Variants in DTNA observed in about 807,000 individuals in gnomAD.
The protein encoded by DTNA is dystrobrevin alpha.
DTNA carries 43 observed loss-of-function variants against 100.7 expected under a neutral mutation model. That is an observed-to-expected ratio of 0.43 (90% CI 0.33 to 0.55). The LOEUF is 0.55. Ranked by LOEUF, DTNA falls within the 20% of genes least tolerant of loss-of-function variation. DTNA has a pLI of 0.04. For synonymous variants in DTNA, 349 were observed against 347.9 expected (o/e 1.00, Z -0.04); for missense variants, 798 against 953.9 (o/e 0.84, Z 2.15).
intron 1 of DTNA, among the ~76,000 whole-genome samples, chr18:34,685,014 G>C (rs1321177758): frequency 6.6e-6 from 1 of 152,118 alleles, no homozygotes; most frequent in Non-Finnish European, 1.5e-5. Context: ...TTGTAAATTT[G>C]TTTAAGTTCC....
chr18:34,634,186 C>T (rs2058401669), intron 1 of DTNA, among the ~76,000 whole-genome samples: 1 of 152,130 alleles, frequency 6.6e-6, no homozygotes, highest in Admixed American at 6.5e-5. Context: ...TTCTCGAAAG[C>T]ATTTACTCCT....
Position 34,712,114 on chromosome 18 carries a change from T to C in DTNA, c.-2+1669T>C, listed in dbSNP as rs527466672. On this transcript the variant is annotated intron_variant, in intron 1 of 22. Transcript: ENST00000444659. The stretch of plus-strand genomic sequence containing the variant: ...ACAATATCTGAGGTAGAAAGTGTTA[T>C]GTTTTATTAAAAGAAAAATAAAAGA... 1.1e-4 allele frequency among the ~76,000 whole-genome samples: 16 copies of C among 152,178 alleles called. 1 individual carries two copies. Among genetic ancestry groups the C allele is most frequent in the East Asian group, 3.9e-4 (2 of 5,178 alleles).
At chr18:34,834,307 C>G (rs1054539855) in intron 11 of DTNA, among the ~76,000 whole-genome samples, 37 of 151,694 alleles carry the variant, frequency 2.4e-4, no homozygotes, top group Non-Finnish European at 4.6e-4. Flanking sequence ...ACCAGCCTGG[C>G]CAACATGGTG....
chr18:34,875,856 G>A (rs1344583948), intron 18 of DTNA, among the ~76,000 whole-genome samples: 1 of 152,186 alleles, frequency 6.6e-6, no homozygotes, highest in Non-Finnish European at 1.5e-5. Flanking sequence ...CCGAAGAGTT[G>A]AATCATTGCC....
chr18:34,508,747 T>C (rs1215729658), intron 1 of DTNA, among the ~76,000 whole-genome samples: 1 of 152,182 alleles, frequency 6.6e-6, no homozygotes, highest in Non-Finnish European at 1.5e-5. Context: ...ATTCACATAG[T>C]ATCCACCTCT....
At chr18:34,887,706 T>C (rs2096935554) in intron 22 of DTNA, 60 bp from the exon 23 acceptor site, 3 of 984,818 alleles carry the variant, frequency 3.0e-6, no homozygotes, top group Non-Finnish European at 1.2e-6. Flanking sequence ...CTAAGTTTCA[T>C]AACCCTAATT....
rs146658114 is a variant in DTNA at position 34,608,029 on chromosome 18, G to T, written c.-2+114515G>T. ...ATCCCTATGATTTGAATCTTAAATT[G>T]CTATGATGGATGCCAATTAAGGGAA... On this transcript the variant is annotated intron_variant, in intron 1 of 19. Coordinates refer to the DTNA transcript ENST00000283365. Among the ~76,000 whole-genome samples, 274 of 152,256 alleles carry T rather than the reference G, an allele frequency of 1.8e-3. 2 individuals carry two copies. The highest frequency in any genetic ancestry group is 6.0e-3 in the African/African-American group (251 of 41,548).
At chr18:34,652,459 ATTTCCTTG>A (rs1414083190) in intron 1 of DTNA, among the ~76,000 whole-genome samples, 1 of 152,062 alleles carries the variant, frequency 6.6e-6, no homozygotes, top group East Asian at 1.9e-4. Context: ...GTGTTTGCTT[ATTTCCTTG>A]ACTGGAATGT....
chr18:34,649,957 CAT>C (rs1202029142), intron 1 of DTNA, among the ~76,000 whole-genome samples: 8 of 151,996 alleles, frequency 5.3e-5, no homozygotes, highest in African/African-American at 1.5e-4. Flanking sequence ...ATAAAAATGA[CAT>C]GTGTTTGCCT....
At chr18:34,557,317 C>T (rs1439189544) in intron 1 of DTNA, among the ~76,000 whole-genome samples, 1 of 142,390 alleles carries the variant, frequency 7.0e-6, no homozygotes, top group Non-Finnish European at 1.5e-5. Context: ...GTTTGAATGT[C>T]CTCCTGTAGC....
chr18:34,746,453 A>G (rs940608361), intron 1 of DTNA, among the ~76,000 whole-genome samples: 4 of 152,156 alleles, frequency 2.6e-5, no homozygotes, highest in African/African-American at 9.7e-5. Flanking sequence ...TCATTTCCCT[A>G]TGACAAAGTG....
chr18:34,760,375 G>A (rs1283396871), intron 2 of DTNA, among the ~76,000 whole-genome samples: 1 of 152,056 alleles, frequency 6.6e-6, no homozygotes, highest in Non-Finnish European at 1.5e-5. Context: ...TTCTTGACCA[G>A]TTGTCTCCAT....
At chr18:34,875,485 C>A (rs913743234) in intron 18 of DTNA, 87 bp downstream of exon 18, 26 of 1,579,982 alleles carry the variant, frequency 1.6e-5, no homozygotes, top group Non-Finnish European at 2.0e-5. Flanking sequence ...GTTGTCAGAA[C>A]CACATGTGAC....
rs573376833 is a variant in DTNA, at chr18:34,729,839, A to G, written c.-2+19394A>G. Among the ~76,000 whole-genome samples the G allele has an allele frequency of 8.2e-4, 124 of 152,044 alleles. 1 individual carries two copies. Among genetic ancestry groups the G allele is most frequent in the African/African-American group, 2.8e-3 (115 of 41,456 alleles). On this transcript the variant is annotated intron_variant, in intron 1 of 22. Transcript: ENST00000444659. ...GATCTGGCAGTTCCCCAACCAAAGC[A>G]GACAATCTGAAAGAAACCTAAGGTT...
intron 1 of DTNA, among the ~76,000 whole-genome samples, chr18:34,592,159 C>T (rs2049800690): frequency 1.3e-5 from 2 of 152,028 alleles, no homozygotes; most frequent in Non-Finnish European, 2.9e-5. Context: ...ATTTGGAAAC[C>T]CCCAAATGCT....
intron 1 of DTNA, among the ~76,000 whole-genome samples, chr18:34,681,981 C>G (rs2078197054): frequency 6.6e-6 from 1 of 152,150 alleles, no homozygotes; most frequent in Non-Finnish European, 1.5e-5. Context: ...CCCTGCACCT[C>G]ACCCCTCATC....
intron 1 of DTNA, among the ~76,000 whole-genome samples, chr18:34,534,450 C>A (rs1242193630): frequency 6.6e-6 from 1 of 151,972 alleles, no homozygotes; most frequent in Non-Finnish European, 1.5e-5. Flanking sequence ...TTATCCCATG[C>A]AGACAGACAG....
At chr18:34,502,854 A>G (rs1192120706) in intron 1 of DTNA, among the ~76,000 whole-genome samples, 1 of 152,248 alleles carries the variant, frequency 6.6e-6, no homozygotes, top group Non-Finnish European at 1.5e-5. Flanking sequence ...AGAGTGTTCT[A>G]TAAATGCTGA....
chr18:34,821,820 G>A (rs1156522545), intron 9 of DTNA, among the ~76,000 whole-genome samples: 1 of 152,168 alleles, frequency 6.6e-6, no homozygotes, highest in Non-Finnish European at 1.5e-5. Flanking sequence ...ACCGGTATAG[G>A]AATTCAACAA....
Sources: allele counts gnomAD v4.1 joint callset (sites outside exome capture counted in the v4.1 genomes callset), GRCh38; gene constraint gnomAD v4.1.1; transcripts MANE v1.5; gene names NCBI Gene and HGNC (gene_info 2026-07-23, HGNC 2026-07-21).